Variants in RAD51B observed in about 807,000 individuals in gnomAD.
The protein encoded by RAD51B is DNA repair protein RAD51 homolog 2.
In RAD51B, 38 loss-of-function variants were observed where a neutral mutation model predicts 42.2. The ratio of observed to expected loss-of-function variants is 0.90; its 90% confidence interval spans 0.70 to 1.18. The LOEUF is 1.18. Among genes scored for constraint, RAD51B ranks in the 50% most tolerant of loss-of-function variants. The probability of loss-of-function intolerance (pLI) is 0.00; values close to 1 mark genes in which losing one functional copy is unlikely to be tolerated. For missense variants in RAD51B, 373 were observed against 400.7 expected, an observed-to-expected ratio of 0.93 and a Z score of 0.59; for synonymous variants, 154 against 145.2, an observed-to-expected ratio of 1.06 and a Z score of -0.43.
At chr14:68,110,180 G>A (rs530750366) in intron 7 of RAD51B, among the ~76,000 whole-genome samples, 1 of 151,978 alleles carries the variant, frequency 6.6e-6, no homozygotes, top group Non-Finnish European at 1.5e-5. Flanking sequence ...TAGGGACACA[G>A]CTGTCTGCAA....
At chr14:67,899,095 T>C (rs967858548) in intron 7 of RAD51B, among the ~76,000 whole-genome samples, 6 of 152,128 alleles carry the variant, frequency 3.9e-5, no homozygotes, top group Non-Finnish European at 5.9e-5. Flanking sequence ...CAGGCTGGAG[T>C]GCAGTGGCAT....
At chr14:68,016,431 A>G (rs1471003187) in intron 7 of RAD51B, among the ~76,000 whole-genome samples, 4 of 152,224 alleles carry the variant, frequency 2.6e-5, no homozygotes, top group Non-Finnish European at 1.5e-5. Context: ...CCAACTGGAT[A>G]CAATAGTGTA....
At chr14:67,834,343 G>A (rs2041158132) in intron 3 of RAD51B, among the ~76,000 whole-genome samples, 1 of 144,808 alleles carries the variant, frequency 6.9e-6, no homozygotes, top group Non-Finnish European at 1.5e-5. Context: ...TTGCAAATAA[G>A]GTAATATTCA....
At chr14:68,514,987 G>A (rs1160554539) in intron 10 of RAD51B, among the ~76,000 whole-genome samples, 4 of 152,160 alleles carry the variant, frequency 2.6e-5, no homozygotes, top group African/African-American at 7.2e-5. Flanking sequence ...AGCAGGTAAT[G>A]GGAGGGCCTG....
intron 11 of RAD51B, among the ~76,000 whole-genome samples, chr14:68,682,713 C>T (rs1893457665): frequency 6.7e-6 from 1 of 150,306 alleles, no homozygotes; most frequent in South Asian, 2.1e-4. Flanking sequence ...CCACGATCAG[C>T]TGGACATATG....
chr14:67,969,052 C>T (rs2074843220), intron 7 of RAD51B, among the ~76,000 whole-genome samples: 7 of 152,160 alleles, frequency 4.6e-5, no homozygotes, highest in Admixed American at 4.6e-4. Flanking sequence ...GTGGAAGCCC[C>T]TGATAAAACC....
chr14:67,971,239 C>T lies in RAD51B; in HGVS notation c.756+84035C>T, dbSNP rs186238815. 5.9e-5 allele frequency among the ~76,000 whole-genome samples: 9 copies of T among 151,898 alleles called. No individual in the cohort carries two copies. In the East Asian group the frequency reaches 1.5e-3, roughly 26 times the overall value. ...TTTTTCCTTATTCAACGGTTACATGCGAATTTTAAAAGATTTCTTGTGTTT... is the reference window on the plus strand; with the variant it reads ...TTTTTCCTTATTCAACGGTTACATGTGAATTTTAAAAGATTTCTTGTGTTT... On this transcript the variant is annotated intron_variant, in intron 7 of 10. Transcript: ENST00000471583.
At chr14:68,416,784 T>TG (rs1025525107) in intron 9 of RAD51B, among the ~76,000 whole-genome samples, 18 of 152,316 alleles carry the variant, frequency 1.2e-4, no homozygotes, top group African/African-American at 3.8e-4. Flanking sequence ...TGGAATCTTA[T>TG]GGGATAGCCT....
chr14:68,043,709 T>C, intron 7 of RAD51B, among the ~76,000 whole-genome samples: 1 of 152,190 alleles, frequency 6.6e-6, no homozygotes, highest in Non-Finnish European at 1.5e-5. Flanking sequence ...ATTTGAAAAC[T>C]AATGTTAAAA....
chr14:68,502,267 A>T (rs8010430), intron 10 of RAD51B, among the ~76,000 whole-genome samples: 21,412 of 152,306 alleles, frequency 0.14, 1,894 homozygotes, highest in Middle Eastern at 0.25. Context: ...AGCCACAGAC[A>T]GGCTGAACAG....
chr14:68,240,262 G>A lies in RAD51B; in HGVS notation c.757-51622G>A, dbSNP rs539447299. ...AATAAGTGCGATGACTTAGAACAGC[G>A]CCTTTCACTCCAGGAGCTGGAAACC... On this transcript the variant is annotated intron_variant, in intron 7 of 10. Transcript: ENST00000471583. Among the ~76,000 whole-genome samples the A allele has an allele frequency of 1.0e-3, 157 of 152,232 alleles. 2 individuals carry two copies. The South Asian group carries it at 0.03, about 29-fold the overall frequency.
At chr14:68,409,488 C>T (rs1662020644) in intron 8 of RAD51B, among the ~76,000 whole-genome samples, 1 of 152,108 alleles carries the variant, frequency 6.6e-6, no homozygotes. Flanking sequence ...CCCTAAGGTC[C>T]ACCCACAACT....
At chr14:68,088,985 C>T (rs1201823921) in intron 7 of RAD51B, among the ~76,000 whole-genome samples, 2 of 152,140 alleles carry the variant, frequency 1.3e-5, no homozygotes, top group African/African-American at 4.8e-5. Flanking sequence ...AAGGACAGAA[C>T]TTTCAAAATA....
At chr14:68,046,661 AGCAGGCTGAGGCT>A (rs1253992928) in intron 7 of RAD51B, among the ~76,000 whole-genome samples, 1 of 152,200 alleles carries the variant, frequency 6.6e-6, no homozygotes, top group African/African-American at 2.4e-5. Context: ...GCTCGAGCCC[AGCAGGCTGAGGCT>A]GCAGTGAGCT....
intron 5 of RAD51B, 100 bp downstream of exon 5, chr14:67,865,239 G>A: frequency 8.9e-7 from 1 of 1,117,910 alleles, no homozygotes; most frequent in Non-Finnish European, 1.2e-6. Flanking sequence ...CCTCCCCCTT[G>A]CCTTTTTTTT....
At chr14:68,027,419 T>G (rs2075972507) in intron 7 of RAD51B, among the ~76,000 whole-genome samples, 1 of 152,212 alleles carries the variant, frequency 6.6e-6, no homozygotes, top group African/African-American at 2.4e-5. Flanking sequence ...GACTGTATCC[T>G]CAAAAATATT....
At chr14:68,123,426 A>G (rs1463996678) in intron 7 of RAD51B, among the ~76,000 whole-genome samples, 1 of 152,076 alleles carries the variant, frequency 6.6e-6, no homozygotes, top group Non-Finnish European at 1.5e-5. Flanking sequence ...TCCTGGGCTC[A>G]AGCAGTCTTC....
intron 7 of RAD51B, among the ~76,000 whole-genome samples, chr14:68,135,902 C>T (rs945012694): frequency 7.9e-5 from 12 of 152,100 alleles, no homozygotes; most frequent in African/African-American, 2.7e-4. Context: ...CAAAGTCCAC[C>T]GTTCACCATA....
chr14:68,341,170 T>G (rs1031792883), intron 8 of RAD51B, among the ~76,000 whole-genome samples: 2 of 152,208 alleles, frequency 1.3e-5, no homozygotes, highest in Non-Finnish European at 2.9e-5. Context: ...GGTAACTGTA[T>G]TTCAGTAATG....
Sources: allele counts gnomAD v4.1 joint callset (sites outside exome capture counted in the v4.1 genomes callset), GRCh38; gene constraint gnomAD v4.1.1; transcripts MANE v1.5; gene names NCBI Gene and HGNC (gene_info 2026-07-23, HGNC 2026-07-21).